The following LRRC4C variants were observed in gnomAD, a reference collection of about 807,000 sequenced individuals.
LRRC4C encodes the protein leucine-rich repeat-containing protein 4C.
In LRRC4C, 5 loss-of-function variants were observed where a neutral mutation model predicts 33.6. The observed-to-expected ratio is 0.15, with a 90% confidence interval of 0.08 to 0.31. The LOEUF is 0.31. Among genes scored for constraint, LRRC4C ranks in the 10% least tolerant of loss-of-function variants. The probability of loss-of-function intolerance (pLI) is 1.00; values close to 1 mark genes in which losing one functional copy is unlikely to be tolerated. For missense variants in LRRC4C, 560 were observed against 796.7 expected (o/e 0.70, Z 3.58); for synonymous variants, 329 against 302.0 (o/e 1.09, Z -0.93).
chr11:40,806,960 TA>T (rs886794254), intron 2 of LRRC4C, among the ~76,000 whole-genome samples: 24 of 151,458 alleles, frequency 1.6e-4, no homozygotes, highest in East Asian at 9.7e-4. Flanking sequence ...TGAGTAGGAT[TA>T]AAAAAAAACT....
chr11:40,893,029 G>A (rs1340509592), intron 2 of LRRC4C, among the ~76,000 whole-genome samples: 1 of 151,822 alleles, frequency 6.6e-6, no homozygotes, highest in Non-Finnish European at 1.5e-5. Flanking sequence ...TAAGAACATA[G>A]TTATAACTCC....
At chr11:40,322,250 A>G (rs1285017608) in intron 3 of LRRC4C, among the ~76,000 whole-genome samples, 1 of 150,962 alleles carries the variant, frequency 6.6e-6, no homozygotes, top group Non-Finnish European at 1.5e-5. Context: ...AAAGAAATTC[A>G]CTTTTTTTTT....
At chr11:41,104,228 C>T (rs537267312) in intron 1 of LRRC4C, among the ~76,000 whole-genome samples, 8 of 151,802 alleles carry the variant, frequency 5.3e-5, no homozygotes, top group South Asian at 2.1e-4. Context: ...TATCCAAAAA[C>T]GTAAATAACC....
intron 1 of LRRC4C, among the ~76,000 whole-genome samples, chr11:41,442,473 T>TTTC (rs1565676676): frequency 3.8e-5 from 5 of 130,700 alleles, no homozygotes; most frequent in Non-Finnish European, 8.2e-5. Context: ...TTTTTTTTTT[T>TTTC]TTTTTTTTTT....
chr11:40,190,322 T>C (rs1016408820), intron 5 of LRRC4C, among the ~76,000 whole-genome samples: 5 of 152,142 alleles, frequency 3.3e-5, no homozygotes, highest in Middle Eastern at 3.2e-3. Context: ...AGGTTACAGA[T>C]AAAATAAAAT....
intron 3 of LRRC4C, among the ~76,000 whole-genome samples, chr11:40,574,253 C>A (rs984747858): frequency 1.3e-5 from 2 of 152,124 alleles, no homozygotes; most frequent in Non-Finnish European, 2.9e-5. Flanking sequence ...AGACAGCAGA[C>A]CAAACCTTCC....
At chr11:40,498,752 T>C (rs1818075421) in intron 3 of LRRC4C, among the ~76,000 whole-genome samples, 1 of 152,208 alleles carries the variant, frequency 6.6e-6, no homozygotes, top group Admixed American at 6.5e-5. Flanking sequence ...CTTAAGTCCC[T>C]CAGGAATGTT....
At chr11:40,570,923 CAA>C (rs1332537594) in intron 3 of LRRC4C, among the ~76,000 whole-genome samples, 4 of 151,776 alleles carry the variant, frequency 2.6e-5, no homozygotes, top group Admixed American at 2.6e-4. Flanking sequence ...TTTTTTAAGA[CAA>C]GAAAAAACTT....
At chr11:40,489,675 C>A (rs1234729854) in intron 3 of LRRC4C, among the ~76,000 whole-genome samples, 1 of 152,046 alleles carries the variant, frequency 6.6e-6, no homozygotes, top group Non-Finnish European at 1.5e-5. Flanking sequence ...TAAATGGAAC[C>A]CCCTTTATTG....
chr11:40,863,771 G>A (rs1291693077), intron 2 of LRRC4C, among the ~76,000 whole-genome samples: 1 of 152,032 alleles, frequency 6.6e-6, no homozygotes, highest in African/African-American at 2.4e-5. Context: ...GTTAAAATAG[G>A]TCATAATTTG....
chr11:40,977,436 CTA>C (rs897576512), intron 1 of LRRC4C, among the ~76,000 whole-genome samples: 4 of 152,100 alleles, frequency 2.6e-5, no homozygotes, highest in Non-Finnish European at 5.9e-5. Context: ...TTTCTCTACA[CTA>C]TGTATATCAA....
intron 1 of LRRC4C, among the ~76,000 whole-genome samples, chr11:41,450,360 A>C (rs971267611): frequency 3.9e-5 from 6 of 152,188 alleles, no homozygotes; most frequent in African/African-American, 1.2e-4. Flanking sequence ...TACATTTAAA[A>C]AAATGTTATA....
intron 2 of LRRC4C, among the ~76,000 whole-genome samples, chr11:40,700,152 T>C (rs1945797053): frequency 6.6e-6 from 1 of 152,150 alleles, no homozygotes; most frequent in African/African-American, 2.4e-5. Context: ...AGCTAAAATG[T>C]ACAGCTGTGT....
intron 5 of LRRC4C, among the ~76,000 whole-genome samples, chr11:40,207,559 G>C (rs1863251831): frequency 6.6e-6 from 1 of 152,168 alleles, no homozygotes; most frequent in South Asian, 2.1e-4. Context: ...CAATGATCAT[G>C]CCACTGCCAC....
chr11:41,410,917 G>T (rs1453934970), intron 1 of LRRC4C, among the ~76,000 whole-genome samples: 2 of 151,542 alleles, frequency 1.3e-5, no homozygotes, highest in African/African-American at 4.9e-5. Flanking sequence ...TTTTAAAGAG[G>T]GACCTGCCTG....
At chr11:41,327,269 C>G in intron 1 of LRRC4C, among the ~76,000 whole-genome samples, 1 of 152,068 alleles carries the variant, frequency 6.6e-6, no homozygotes, top group East Asian at 1.9e-4. Context: ...GTTGGTGTGT[C>G]GCCGTCTGTC....
intron 1 of LRRC4C, among the ~76,000 whole-genome samples, chr11:41,314,243 C>T (rs183348100): frequency 1.3e-5 from 2 of 152,280 alleles, no homozygotes; most frequent in Non-Finnish European, 2.9e-5. Context: ...ATTTTTAAAG[C>T]TGCCCTTGAA....
At chr11:41,227,316 G>T (rs1006440108) in intron 1 of LRRC4C, among the ~76,000 whole-genome samples, 2 of 151,850 alleles carry the variant, frequency 1.3e-5, no homozygotes, top group African/African-American at 4.8e-5. Context: ...CTAAAGAAAT[G>T]GAATCTTTAC....
intron 3 of LRRC4C, among the ~76,000 whole-genome samples, chr11:40,351,962 A>C (rs1224458827): frequency 6.6e-6 from 1 of 152,016 alleles, no homozygotes; most frequent in Non-Finnish European, 1.5e-5. Context: ...AAATATTTTA[A>C]AATTATTCAT....
Sources: gnomAD v4.1 joint callset for allele counts (sites outside exome capture counted in the v4.1 genomes callset) on GRCh38, gnomAD v4.1.1 for gene constraint, MANE v1.5 for transcripts, NCBI Gene and HGNC (gene_info 2026-07-23, HGNC 2026-07-21) for gene names.